Variants in CLASP1 observed in about 807,000 individuals in gnomAD.
The protein encoded by CLASP1 is cytoplasmic linker associated protein 1, also known as CLIP-associating protein 1.
Under a neutral mutation model 192.3 loss-of-function variants are expected in CLASP1, and 38 were observed. The observed-to-expected ratio is 0.20, with a 90% CI of 0.15 to 0.26. The LOEUF is 0.26. Ranked by LOEUF, CLASP1 falls within the 10% of genes least tolerant of loss-of-function variation. The pLI is 1.00. For synonymous variants in CLASP1, 691 were observed against 712.8 expected (o/e 0.97, Z 0.49); for missense variants, 1,433 against 1,932.5 (o/e 0.74, Z 4.85).
intron 19 of CLASP1, among the ~76,000 whole-genome samples, chr2:121,432,159 T>C (rs1039920871): frequency 2.6e-5 from 4 of 152,112 alleles, no homozygotes; most frequent in African/African-American, 9.7e-5. Context: ...CTGTCGCCCA[T>C]GCTGGAGTGC....
intron 7 of CLASP1, among the ~76,000 whole-genome samples, chr2:121,511,331 G>A (rs1258197083): frequency 2.0e-5 from 3 of 152,170 alleles, no homozygotes; most frequent in Non-Finnish European, 4.4e-5. Context: ...GCTCATGCCT[G>A]TAATCCCAGC....
chr2:121,383,991 GATATAT>G (rs139095697), intron 32 of CLASP1, among the ~76,000 whole-genome samples: 4 of 129,538 alleles, frequency 3.1e-5, no homozygotes, highest in African/African-American at 9.3e-5. Context: ...TCACTGGTGA[GATATAT>G]ATATATATAT....
intron 2 of CLASP1, among the ~76,000 whole-genome samples, chr2:121,568,500 A>G (rs772079931): frequency 1.1e-4 from 16 of 151,362 alleles, no homozygotes; most frequent in Non-Finnish European, 1.6e-4. Flanking sequence ...CCATAACCCA[A>G]CTTTAGTGAA....
At chr2:121,425,364 A>G in intron 21 of CLASP1, 58 bp from the exon 22 acceptor site, 1 of 1,467,000 alleles carries the variant, frequency 6.8e-7, no homozygotes, top group East Asian at 2.4e-5. Flanking sequence ...ATGAACTATA[A>G]TACTTTCAAA....
Position 121,605,954 on chromosome 2 carries a change from C to T in CLASP1, c.-59G>A, listed in dbSNP as rs2064367744. On this transcript the variant is annotated 5_prime_UTR_variant, in exon 2 of 40. An upstream open reading frame in the 5' UTR gains an earlier in-frame stop. Coordinates refer to ENST00000263710, the Ensembl canonical transcript of CLASP1. Reference sequence around the variant, plus strand: ...GAGGGCAGTCACGATGACTCCCTCCCAGCAGACGTATCTGGGAGGTTGCCT... The same window carrying T: ...GAGGGCAGTCACGATGACTCCCTCCTAGCAGACGTATCTGGGAGGTTGCCT... 1 of 1,499,250 alleles carries T rather than the reference C, an allele frequency of 6.7e-7. No homozygotes were observed. The highest frequency in any genetic ancestry group is 1.9e-4 in the Middle Eastern group (1 of 5,130). 92.9% of individuals were successfully genotyped at this position (1,499,250 alleles called of 1,614,324 possible). A position where few individuals can be genotyped will look rare whatever the true frequency, so the allele number is the denominator to read the frequency against.
At chr2:121,413,648 C>T (rs941879582) in intron 23 of CLASP1, among the ~76,000 whole-genome samples, 1 of 152,174 alleles carries the variant, frequency 6.6e-6, no homozygotes, top group Non-Finnish European at 1.5e-5. Flanking sequence ...GAACAATACA[C>T]TTATTTTCAT....
intron 2 of CLASP1, among the ~76,000 whole-genome samples, chr2:121,546,812 T>C (rs766252540): frequency 8.5e-5 from 13 of 152,306 alleles, no homozygotes; most frequent in Middle Eastern, 3.4e-3. Flanking sequence ...GGGCAGACCC[T>C]GAGCATAGCA....
intron 1 of CLASP1, among the ~76,000 whole-genome samples, chr2:121,621,845 GTTGTT>G (rs1248117046): frequency 6.6e-6 from 1 of 151,934 alleles, no homozygotes; most frequent in African/African-American, 2.4e-5. Flanking sequence ...GGGTTTTTTT[GTTGTT>G]TGTTTGTTTG....
intron 30 of CLASP1, among the ~76,000 whole-genome samples, chr2:121,394,956 G>A (rs1169669137): frequency 6.6e-6 from 1 of 152,088 alleles, no homozygotes; most frequent in Non-Finnish European, 1.5e-5. Context: ...GTCAAATTTG[G>A]GGAGTTTCTT....
intron 7 of CLASP1, among the ~76,000 whole-genome samples, chr2:121,511,538 A>G (rs553735802): frequency 5.3e-5 from 8 of 152,074 alleles, no homozygotes; most frequent in African/African-American, 1.9e-4. Context: ...CAGTGAGCCA[A>G]GATCACACCA....
intron 2 of CLASP1, among the ~76,000 whole-genome samples, chr2:121,590,489 CAT>C (rs1228924723): frequency 6.6e-6 from 1 of 152,182 alleles, no homozygotes; most frequent in African/African-American, 2.4e-5. Flanking sequence ...GATCATGACA[CAT>C]GTTAAACAGC....
intron 19 of CLASP1, among the ~76,000 whole-genome samples, 180 bp downstream of exon 19, chr2:121,447,157 G>A (rs2084507788): frequency 6.6e-6 from 1 of 152,178 alleles, no homozygotes. Flanking sequence ...ATCGAAGAAA[G>A]GGACACTCAA....
chr2:121,521,403 C>T (rs765856071), intron 6 of CLASP1, among the ~76,000 whole-genome samples: 4 of 152,184 alleles, frequency 2.6e-5, no homozygotes, highest in East Asian at 1.9e-4. Context: ...CCAGGCCAAC[C>T]GTGCGTGTGG....
rs143970321 is a variant in CLASP1, at chr2:121,631,843, T to G, written c.-286+17529A>C. 2.0e-5 allele frequency among the ~76,000 whole-genome samples: 3 copies of G among 151,802 alleles called. No individual in the cohort carries two copies. The East Asian group carries it at 5.9e-4, about 30-fold the overall frequency. ...GGGTGGGTCACCTGAGGTCAACAGT[T>G]CGAGACCAGCCTGGTCAACATGGTG... On this transcript the variant is annotated intron_variant, in intron 1 of 39. Transcript: ENST00000263710.
In CLASP1 at chr2:121,397,135, C is replaced by T; in HGVS notation, c.3123+5G>A. 6.2e-7 allele frequency: 1 copy of T among 1,613,558 alleles called. No individual in the cohort carries two copies. The highest frequency in any genetic ancestry group is 8.5e-7 in the Non-Finnish European group (1 of 1,179,550). ...GTAATTACACGTCGGTTCTCTTGGA[C>T]ATACCTTTCTCACGTCTGAACTCTT... is the stretch of plus-strand genomic sequence containing the variant. On this transcript the variant is annotated splice_donor_5th_base_variant and intron_variant, in intron 30 of 39. Transcript: ENST00000263710.
At chr2:121,503,321 ACTCCCCATC>A in intron 7 of CLASP1, 87 bp from the exon 8 acceptor site, 1 of 749,110 alleles carries the variant, frequency 1.3e-6, no homozygotes, top group Admixed American at 2.4e-5. Flanking sequence ...GTTGATCCCC[ACTCCCCATC>A]AAAAAAAACA....
At chr2:121,451,440 G>T (rs2085454663) in intron 15 of CLASP1, among the ~76,000 whole-genome samples, 1 of 152,196 alleles carries the variant, frequency 6.6e-6, no homozygotes, top group Non-Finnish European at 1.5e-5. Context: ...ACTTTCAAAT[G>T]AGTGAAATTC....
At chr2:121,355,417 C>T (rs2065210001) in intron 37 of CLASP1, among the ~76,000 whole-genome samples, 1 of 152,280 alleles carries the variant, frequency 6.6e-6, no homozygotes, top group African/African-American at 2.4e-5. Flanking sequence ...GTGTGAGCCA[C>T]CACGCCCGGA....
chr2:121,425,004 A>G, intron 22 of CLASP1, 135 bp downstream of exon 22: 1 of 866,374 alleles, frequency 1.2e-6, no homozygotes, highest in Non-Finnish European at 1.8e-6. Flanking sequence ...ATCTGTATAA[A>G]GCACACCCAG....
Sources: gnomAD v4.1 joint callset for allele counts (sites outside exome capture counted in the v4.1 genomes callset) on GRCh38, gnomAD v4.1.1 for gene constraint, MANE v1.5 for transcripts, NCBI Gene and HGNC (gene_info 2026-07-23, HGNC 2026-07-21) for gene names.